The following RBFOX1 variants were observed in gnomAD, a reference collection of about 807,000 sequenced individuals.
RBFOX1 encodes RNA binding protein fox-1 homolog 1.
RBFOX1 carries 8 observed loss-of-function variants against 57.7 expected under a neutral mutation model. That is an observed-to-expected ratio of 0.14 (90% CI 0.08 to 0.25). The LOEUF is 0.25. Ranked by LOEUF, RBFOX1 falls within the 10% of genes least tolerant of loss-of-function variation. The probability of loss-of-function intolerance (pLI) is 1.00; values close to 1 mark genes in which losing one functional copy is unlikely to be tolerated. For missense variants in RBFOX1, 611 were observed against 548.5 expected, an observed-to-expected ratio of 1.11 and a Z score of -1.14; for synonymous variants, 326 against 222.4, an observed-to-expected ratio of 1.47 and a Z score of -4.15.
intron 2 of RBFOX1, among the ~76,000 whole-genome samples, chr16:6,532,385 C>T (rs562645658): frequency 1.6e-4 from 25 of 152,220 alleles, no homozygotes; most frequent in African/African-American, 5.8e-4. Flanking sequence ...TCAGAGCTGC[C>T]CTAGGCTGTA....
At chr16:7,506,535 C>T (rs752308226) in intron 4 of RBFOX1, among the ~76,000 whole-genome samples, 3 of 152,084 alleles carry the variant, frequency 2.0e-5, no homozygotes, top group Admixed American at 6.5e-5. Context: ...TTCTTTTCCT[C>T]GTTACCAGAC....
chr16:7,436,330 T>C (rs1366344086), intron 4 of RBFOX1, among the ~76,000 whole-genome samples: 2 of 152,250 alleles, frequency 1.3e-5, no homozygotes, highest in Admixed American at 6.5e-5. Context: ...GCCAAATTAC[T>C]GTGGTAGGCA....
At chr16:7,304,302 A>G in intron 4 of RBFOX1, 1 of 985,200 alleles carries the variant, frequency 1.0e-6, no homozygotes, top group Non-Finnish European at 1.2e-6. Context: ...AAAAAGAAAA[A>G]AAAAAATTGT....
chr16:7,689,667 G>A (rs2076906026), intron 14 of RBFOX1, among the ~76,000 whole-genome samples: 4 of 152,022 alleles, frequency 2.6e-5, no homozygotes, highest in Admixed American at 2.6e-4. Context: ...ATATAGAAAA[G>A]TTGTGGGTGA....
At chr16:7,564,174 C>G (rs73486645) in intron 5 of RBFOX1, among the ~76,000 whole-genome samples, 25,451 of 151,896 alleles carry the variant, frequency 0.17, 2,550 homozygotes, top group South Asian at 0.28. Flanking sequence ...GAGTAGAGCC[C>G]GATGAGACAG....
intron 2 of RBFOX1, among the ~76,000 whole-genome samples, chr16:6,423,597 T>G (rs2051840540): frequency 6.6e-6 from 1 of 152,036 alleles, no homozygotes; most frequent in Admixed American, 6.5e-5. Flanking sequence ...ACTGAGACTC[T>G]GTCTCAAAAT....
rs953492075 is a variant in RBFOX1 at position 7,394,493 on chromosome 16, A to G, written c.28-123654A>G. Among the ~76,000 whole-genome samples the G allele has an allele frequency of 3.3e-5, 5 of 152,064 alleles. No homozygotes were observed. The South Asian group carries it at 1.0e-3, about 32-fold the overall frequency. On this transcript the variant is annotated intron_variant, in intron 4 of 15. Transcript: ENST00000550418. ...TCGAAAGGGTTGACACAAGAGTCAA[A>G]CCCCCACACCTTTAGATGCATAGGC...
intron 1 of RBFOX1, among the ~76,000 whole-genome samples, chr16:6,147,058 G>A (rs2096763684): frequency 6.6e-6 from 1 of 152,160 alleles, no homozygotes; most frequent in Non-Finnish European, 1.5e-5. Context: ...GCTTGTTAGA[G>A]ATACAGAGAC....
chr16:7,478,512 T>G (rs949550190), intron 4 of RBFOX1, among the ~76,000 whole-genome samples: 1 of 151,778 alleles, frequency 6.6e-6, no homozygotes, highest in African/African-American at 2.4e-5. Flanking sequence ...AGAGGGGGAG[T>G]CCCTGGTACC....
chr16:6,843,212 G>A (rs1435993006), intron 3 of RBFOX1, among the ~76,000 whole-genome samples: 1 of 152,012 alleles, frequency 6.6e-6, no homozygotes, highest in African/African-American at 2.4e-5. Context: ...TTAAAGAATG[G>A]GTGAAAATCT....
chr16:6,959,937 A>G (rs1321195197), intron 3 of RBFOX1, among the ~76,000 whole-genome samples: 2 of 152,176 alleles, frequency 1.3e-5, no homozygotes, highest in African/African-American at 2.4e-5. Flanking sequence ...ACTCCATCTC[A>G]TAAATAAATA....
chr16:6,582,022 G>A (rs1196928291), intron 2 of RBFOX1, among the ~76,000 whole-genome samples: 2 of 152,142 alleles, frequency 1.3e-5, no homozygotes, highest in Non-Finnish European at 1.5e-5. Flanking sequence ...AGTGGGAAAA[G>A]CCAGGGGTGC....
chr16:7,035,033 A>T (rs1055496315), intron 3 of RBFOX1, among the ~76,000 whole-genome samples: 20 of 150,208 alleles, frequency 1.3e-4, no homozygotes, highest in African/African-American at 4.4e-4. Context: ...TTTTTATTAG[A>T]GACAGGGTTT....
At chr16:6,932,097 GT>G (rs1275946611) in intron 3 of RBFOX1, among the ~76,000 whole-genome samples, 3 of 152,104 alleles carry the variant, frequency 2.0e-5, no homozygotes, top group South Asian at 4.2e-4. Flanking sequence ...TGTTGTTGTT[GT>G]TTTTTGTTGC....
intron 1 of RBFOX1, among the ~76,000 whole-genome samples, chr16:5,288,001 C>G (rs533584025): frequency 3.3e-5 from 5 of 152,258 alleles, no homozygotes; most frequent in East Asian, 1.9e-4. Context: ...GCAGCCCAGG[C>G]AATGGGGGCC....
At chr16:7,232,639 C>T (rs1296102863) in intron 4 of RBFOX1, among the ~76,000 whole-genome samples, 2 of 151,962 alleles carry the variant, frequency 1.3e-5, no homozygotes, top group Middle Eastern at 3.2e-3. Context: ...GTTGGGAGTT[C>T]GAGAACAGCC....
chr16:6,786,087 C>A (rs1330447442), intron 3 of RBFOX1, among the ~76,000 whole-genome samples: 1 of 152,172 alleles, frequency 6.6e-6, no homozygotes, highest in African/African-American at 2.4e-5. Flanking sequence ...TGTTCAGGGC[C>A]TGGAGTGGGC....
chr16:6,833,103 G>C (rs971225260), intron 3 of RBFOX1, among the ~76,000 whole-genome samples: 1 of 149,986 alleles, frequency 6.7e-6, no homozygotes, highest in Non-Finnish European at 1.5e-5. Context: ...CTTTCTGGAA[G>C]GCTTTTTCTG....
intron 3 of RBFOX1, among the ~76,000 whole-genome samples, chr16:6,879,906 C>G (rs1290462075): frequency 6.6e-6 from 1 of 152,288 alleles, no homozygotes; most frequent in South Asian, 2.1e-4. Flanking sequence ...CTGATCATTT[C>G]TTTTAAAATA....
Sources: gnomAD v4.1 joint callset for allele counts (sites outside exome capture counted in the v4.1 genomes callset) on GRCh38, gnomAD v4.1.1 for gene constraint, MANE v1.5 for transcripts, NCBI Gene and HGNC (gene_info 2026-07-23, HGNC 2026-07-21) for gene names.